The following MGAT5B variants were observed in gnomAD, a reference collection of about 807,000 sequenced individuals.
MGAT5B encodes the protein alpha-1,6-mannosylglycoprotein 6-beta-N-acetylglucosaminyltransferase B.
MGAT5B carries 54 observed loss-of-function variants against 95.1 expected under a neutral mutation model. That is an observed-to-expected ratio of 0.57 (90% CI 0.46 to 0.71). MGAT5B has a LOEUF of 0.71. Ranked by LOEUF, MGAT5B falls within the 30% of genes least tolerant of loss-of-function variation. MGAT5B has a pLI of 0.00. For synonymous variants in MGAT5B, 464 were observed against 451.0 expected (o/e 1.03, Z -0.36); for missense variants, 935 against 1,088.6 (o/e 0.86, Z 1.99).
Position 76,918,642 on chromosome 17 carries a change from A to G in MGAT5B, c.1026-6324A>G, listed in dbSNP as rs1429120150. Among the ~76,000 whole-genome samples the G allele has an allele frequency of 6.6e-6, 1 of 152,212 alleles. No homozygotes were observed. The highest frequency in any genetic ancestry group is 2.4e-5 in the African/African-American group (1 of 41,448). ...CCATCTGGTCTGTCAGGGACCAGACAGTGGCCTGTTGTGGTAATGGGCCAT... is the reference window on the plus strand; with the variant it reads ...CCATCTGGTCTGTCAGGGACCAGACGGTGGCCTGTTGTGGTAATGGGCCAT... On this transcript the variant is annotated intron_variant, in intron 8 of 17. Transcript: ENST00000569840. This position sits in a 1 kb window ranked among gnomAD's most constrained non-coding sequence, Gnocchi z 5.1.
At chr17:76,875,608 C>T (rs922836092) in intron 2 of MGAT5B, among the ~76,000 whole-genome samples, 1 of 142,134 alleles carries the variant, frequency 7.0e-6, no homozygotes, top group African/African-American at 2.6e-5. Context: ...CTCAGTAGTA[C>T]ATGTGTGAGA....
Position 76,902,657 on chromosome 17 carries a change from C to A in MGAT5B, c.432C>A (p.Leu144=). 6.3e-7 allele frequency: 1 copy of A among 1,589,754 alleles called. No individual in the cohort carries two copies. The highest frequency in any genetic ancestry group is 1.7e-5 in the Admixed American group (1 of 57,532). The change falls in exon 4 of 18, where the codon CTC becomes CTA. Residue 144 remains leucine (L), a synonymous_variant. Transcript: ENST00000569840. ...KVDQILRHSL[L]LHSKVSEGRR... ...ACCAGATCCTGCGCCACAGTCTGCT[C>A]CTGCACAGCAAGGGTGGGTGCCAGG...
At chr17:76,948,170 G>A (rs1022859680) in intron 17 of MGAT5B, 84 bp downstream of exon 17, 21 of 1,482,414 alleles carry the variant, frequency 1.4e-5, no homozygotes, top group Non-Finnish European at 1.7e-5. Flanking sequence ...GCCCAGAACC[G>A]GCCCTCAGCC....
At chr17:76,899,005 C>T (rs1331114706) in intron 3 of MGAT5B, among the ~76,000 whole-genome samples, 1 of 152,216 alleles carries the variant, frequency 6.6e-6, no homozygotes, top group African/African-American at 2.4e-5. Flanking sequence ...AGGCTGGCCA[C>T]TCACAACCAC....
intron 2 of MGAT5B, among the ~76,000 whole-genome samples, chr17:76,879,135 G>C (rs1967310957): frequency 6.6e-6 from 1 of 152,206 alleles, no homozygotes; most frequent in Non-Finnish European, 1.5e-5. Flanking sequence ...CTGCTCAATG[G>C]GACTGGGAGC....
intron 2 of MGAT5B, among the ~76,000 whole-genome samples, chr17:76,881,474 A>C (rs767947942): frequency 8.5e-5 from 13 of 152,190 alleles, no homozygotes; most frequent in Non-Finnish European, 1.5e-4. Context: ...TAGGGCCCAG[A>C]GGCCGGGCAG....
rs910381075 is a variant in MGAT5B at position 76,931,595 on chromosome 17, C to T, written c.1292-1050C>T. Among the ~76,000 whole-genome samples, 6 of 151,934 alleles carry T rather than the reference C, an allele frequency of 3.9e-5. No individual in the cohort carries two copies. In the East Asian group the frequency reaches 9.6e-4, roughly 24 times the overall value. The stretch of plus-strand genomic sequence containing the variant: ...TGGGTGGGCTGGATGGTCAAAGGTG[C>T]GGTGGGAGAGAAATGGAGGCAGAGC... On this transcript the variant is annotated intron_variant, in intron 10 of 17. Coordinates refer to ENST00000569840, the MANE Select transcript of MGAT5B (RefSeq NM_001199172.2).
chr17:76,870,234 C>T lies in MGAT5B; in HGVS notation c.68+1137C>T, dbSNP rs984870212. On this transcript the variant is annotated intron_variant, in intron 1 of 17. Transcript: ENST00000569840. The surrounding 1 kb of genome is among the most constrained non-coding windows in gnomAD (Gnocchi z 5.0). ...GGCTCACCTGGAGCCCGCCTCCCAG[C>T]ACACCGGGCCTGTCTGCTGGGCCGA... is the stretch of plus-strand genomic sequence containing the variant. Among the ~76,000 whole-genome samples the T allele has an allele frequency of 2.6e-5, 4 of 152,184 alleles. No individual in the cohort carries two copies. Among genetic ancestry groups the T allele is most frequent in the Admixed American group, 6.5e-5 (1 of 15,290 alleles).
chr17:76,928,214 C>T (rs1403253669), intron 10 of MGAT5B, among the ~76,000 whole-genome samples: 2 of 151,992 alleles, frequency 1.3e-5, no homozygotes, highest in Non-Finnish European at 2.9e-5. Context: ...CTGCAGGGCC[C>T]GTTTCAAGGT....
In MGAT5B at chr17:76,930,398, G is replaced by A. The variant is rs148517694; in HGVS notation, c.1292-2247G>A. ...GTTAAAATGTGGGGGATGTGCATTC[G>A]AAATGAAGAAATAGGGTATTTAGAA... On this transcript the variant is annotated intron_variant, in intron 10 of 17. Transcript: ENST00000569840. This position sits in a 1 kb window ranked among gnomAD's most constrained non-coding sequence, Gnocchi z 4.1. Among the ~76,000 whole-genome samples, 391 of 152,272 alleles carry A rather than the reference G, an allele frequency of 2.6e-3. 2 individuals carry two copies. Among genetic ancestry groups the A allele is most frequent in the African/African-American group, 9.0e-3 (372 of 41,548 alleles).
intron 12 of MGAT5B, among the ~76,000 whole-genome samples, chr17:76,933,760 G>T (rs528555013): frequency 5.7e-4 from 87 of 152,322 alleles, no homozygotes; most frequent in African/African-American, 2.0e-3. Context: ...AAATAATCGT[G>T]ATTTAAACAA....
chr17:76,909,353 C>G (rs1968649559), intron 8 of MGAT5B, among the ~76,000 whole-genome samples: 3 of 152,216 alleles, frequency 2.0e-5, no homozygotes, highest in Admixed American at 1.3e-4. Flanking sequence ...TCCCTCCTCC[C>G]CACCACATTT....
chr17:76,939,029 GGTGTGTGT>G (rs372571720), intron 13 of MGAT5B, among the ~76,000 whole-genome samples: 124 of 128,252 alleles, frequency 9.7e-4, no homozygotes, highest in East Asian at 2.6e-3. Context: ...GCATCTTGGG[GGTGTGTGT>G]GTGTGTGTGT....
chr17:76,939,363 A>C (rs1399973205), intron 13 of MGAT5B, among the ~76,000 whole-genome samples: 1 of 151,712 alleles, frequency 6.6e-6, no homozygotes, highest in Non-Finnish European at 1.5e-5. Context: ...ACAAACAAAA[A>C]ATCAGCTGGG....
chr17:76,938,651 A>G lies in MGAT5B; in HGVS notation c.1584+508A>G, dbSNP rs923846494. On this transcript the variant is annotated intron_variant, in intron 13 of 17. Coordinates refer to ENST00000569840, the MANE Select transcript of MGAT5B (RefSeq NM_001199172.2). This position sits in a 1 kb window ranked among gnomAD's most constrained non-coding sequence, Gnocchi z 4.3. Reference sequence around the variant, plus strand: ...ACCCTGGAGTATCAGCTGAGGCTGGAGAGTCTCCAGCCAGCTTCTAGGCAC... The same window carrying G: ...ACCCTGGAGTATCAGCTGAGGCTGGGGAGTCTCCAGCCAGCTTCTAGGCAC... 6.6e-6 allele frequency among the ~76,000 whole-genome samples: 1 copy of G among 152,070 alleles called. No individual in the cohort carries two copies. The highest frequency in any genetic ancestry group is 2.4e-5 in the African/African-American group (1 of 41,422).
chr17:76,882,529 G>A lies in MGAT5B; in HGVS notation c.329+231G>A, dbSNP rs188483460. On this transcript the variant is annotated intron_variant, in intron 3 of 17. Coordinates refer to ENST00000569840, the MANE Select transcript of MGAT5B (RefSeq NM_001199172.2). Reference sequence around the variant, plus strand: ...AAACGTCACAGATGAAAACTAAAAGGCCTTTTAATGACTTCTCCCTAGAGA... The same window carrying A: ...AAACGTCACAGATGAAAACTAAAAGACCTTTTAATGACTTCTCCCTAGAGA... 615 of 458,178 alleles carry A rather than the reference G, an allele frequency of 1.3e-3. 4 individuals are homozygous for A. Among genetic ancestry groups the A allele is most frequent in the Non-Finnish European group, 1.2e-3 (317 of 269,104 alleles). 28.4% of individuals were successfully genotyped at this position (458,178 alleles called of 1,614,324 possible). A position where few individuals can be genotyped will look rare whatever the true frequency, so the allele number is the denominator to read the frequency against.
At position 76,950,326 on chromosome 17, in the gene MGAT5B, CT is replaced by C. The variant is rs3840052; in HGVS notation, c.*1496del. 0.78 allele frequency: 119,383 copies of C among 152,508 alleles called. 46,893 individuals are homozygous for C. Among genetic ancestry groups the C allele is most frequent in the African/African-American group, 0.8 (33,306 of 41,452 alleles). 9.4% of individuals were successfully genotyped at this position (152,508 alleles called of 1,614,324 possible). The stretch of plus-strand genomic sequence containing the variant: ...AGCAATAGAGACACTCTTTTTCTCT[CT>C]TTTTTTTAAAGATTTATTTCTTGAA... On this transcript the variant is annotated 3_prime_UTR_variant, in exon 18 of 18. Coordinates refer to ENST00000569840, the MANE Select transcript of MGAT5B (RefSeq NM_001199172.2).
In MGAT5B at chr17:76,869,485, G is replaced by A. The variant is rs1157261613; in HGVS notation, c.68+388G>A. On this transcript the variant is annotated intron_variant, in intron 1 of 17. Transcript: ENST00000569840. This position sits in a 1 kb window ranked among gnomAD's most constrained non-coding sequence, Gnocchi z 7.0. ...CATCCGGGTGGCAAAGTTAGTGTGC[G>A]GCGCCTTGGAGCTCCCCCTCCGGTC... is the stretch of plus-strand genomic sequence containing the variant. Among the ~76,000 whole-genome samples, 1 of 152,076 alleles carries A rather than the reference G, an allele frequency of 6.6e-6. No homozygotes were observed. Among genetic ancestry groups the A allele is most frequent in the Non-Finnish European group, 1.5e-5 (1 of 67,992 alleles).
intron 2 of MGAT5B, among the ~76,000 whole-genome samples, chr17:76,875,063 A>T (rs1053529775): frequency 6.6e-6 from 1 of 152,254 alleles, no homozygotes; most frequent in South Asian, 2.1e-4. Context: ...GAACGTGATC[A>T]GTCCCCAAGT....
Sources: allele counts gnomAD v4.1 joint callset (sites outside exome capture counted in the v4.1 genomes callset), GRCh38; gene constraint gnomAD v4.1.1; non-coding constraint Gnocchi (gnomAD v3.1); transcripts MANE v1.5; gene names NCBI Gene and HGNC (gene_info 2026-07-23, HGNC 2026-07-21).